EYA1: variants seen among roughly 807,000 people sequenced by gnomAD.
EYA1 encodes the protein EYA transcriptional coactivator and phosphatase 1.
In EYA1, 16 loss-of-function variants were observed where a neutral mutation model predicts 82.0. The ratio of observed to expected loss-of-function variants is 0.20; its 90% CI spans 0.13 to 0.30. The LOEUF (loss-of-function observed/expected upper bound fraction) is 0.30. Among genes scored for constraint, EYA1 ranks in the 10% least tolerant of loss-of-function variants. The pLI is 1.00. For synonymous variants in EYA1, 261 were observed against 264.4 expected (o/e 0.99, Z 0.12); for missense variants, 633 against 730.7 (o/e 0.87, Z 1.54).
chr8:71,334,342 C>T (rs751026392), intron 3 of EYA1, 168 bp from the exon 4 acceptor site: 1 of 695,008 alleles, frequency 1.4e-6, no homozygotes, highest in African/African-American at 1.8e-5. Flanking sequence ...AAAAAATTCA[C>T]ATATTAAGTT....
intron 16 of EYA1, among the ~76,000 whole-genome samples, chr8:71,212,141 A>G (rs1247541210): frequency 6.6e-6 from 1 of 152,198 alleles, no homozygotes; most frequent in East Asian, 1.9e-4. Context: ...GACAGTTTAT[A>G]GTTTTCAAAT....
chr8:71,363,155 G>C (rs954479006), upstream of EYA1, among the ~76,000 whole-genome samples: 1 of 151,428 alleles, frequency 6.6e-6, no homozygotes, highest in African/African-American at 2.4e-5. Flanking sequence ...GAAAAAAAAA[G>C]CGTCCTCATT....
At chr8:71,451,888 G>A (rs1417454182) in intron 2 of EYA1, among the ~76,000 whole-genome samples, 3 of 152,194 alleles carry the variant, frequency 2.0e-5, no homozygotes, top group African/African-American at 7.2e-5. Flanking sequence ...TGAGGTATCA[G>A]GTTCATCTCA....
At chr8:71,332,492 G>A (rs985241743) in intron 4 of EYA1, among the ~76,000 whole-genome samples, 1 of 151,932 alleles carries the variant, frequency 6.6e-6, no homozygotes, top group Non-Finnish European at 1.5e-5. Context: ...ATTCTACTTC[G>A]TAAATGAAAT....
At chr8:71,482,421 T>C (rs749418405) in intron 2 of EYA1, among the ~76,000 whole-genome samples, 4 of 152,162 alleles carry the variant, frequency 2.6e-5, no homozygotes, top group Non-Finnish European at 5.9e-5. Flanking sequence ...GTAACTTGAG[T>C]GCTCACACAT....
chr8:71,503,301 C>T (rs775923047), intron 2 of EYA1, among the ~76,000 whole-genome samples: 5 of 152,028 alleles, frequency 3.3e-5, no homozygotes, highest in Non-Finnish European at 7.4e-5. Context: ...CGAGAAACCC[C>T]GTCTCTACTA....
chr8:71,235,027 T>C (rs1413294983), intron 12 of EYA1, among the ~76,000 whole-genome samples: 7 of 152,120 alleles, frequency 4.6e-5, no homozygotes, highest in Admixed American at 4.6e-4. Context: ...GTCTGATCCA[T>C]TAGCAAATTC....
intron 9 of EYA1, among the ~76,000 whole-genome samples, chr8:71,296,199 G>A (rs1052556026): frequency 3.3e-5 from 5 of 152,096 alleles, no homozygotes; most frequent in Admixed American, 1.3e-4. Context: ...TATTTTTAAC[G>A]TATTAAAATA....
intron 2 of EYA1, among the ~76,000 whole-genome samples, chr8:71,423,656 TC>T (rs1339501502): frequency 2.0e-5 from 3 of 152,246 alleles, no homozygotes; most frequent in African/African-American, 7.2e-5. Flanking sequence ...GAACAAATGT[TC>T]TTTAATTAAT....
intron 9 of EYA1, among the ~76,000 whole-genome samples, chr8:71,285,694 T>C (rs765735780): frequency 2.4e-4 from 37 of 152,338 alleles, no homozygotes; most frequent in Non-Finnish European, 5.0e-4. Context: ...TTTTTGTGCA[T>C]ATCAGGTTTT....
intron 2 of EYA1, among the ~76,000 whole-genome samples, chr8:71,510,263 G>T (rs190958167): frequency 6.6e-6 from 1 of 152,110 alleles, no homozygotes; most frequent in Non-Finnish European, 1.5e-5. Context: ...AGCTCACCAC[G>T]ATTGAAAACA....
At chr8:71,488,303 G>T (rs888251747) in intron 2 of EYA1, among the ~76,000 whole-genome samples, 2 of 151,550 alleles carry the variant, frequency 1.3e-5, no homozygotes, top group Admixed American at 6.6e-5. Context: ...AAGGATAAAT[G>T]ATATAAAGGA....
chr8:71,277,865 A>C (rs1164528244), intron 9 of EYA1, among the ~76,000 whole-genome samples: 3 of 152,230 alleles, frequency 2.0e-5, no homozygotes, highest in Non-Finnish European at 4.4e-5. Flanking sequence ...TAAATGAGAA[A>C]TAGCTATCAT....
intron 2 of EYA1, among the ~76,000 whole-genome samples, chr8:71,471,531 G>C (rs1809211216): frequency 6.6e-6 from 1 of 151,908 alleles, no homozygotes; most frequent in Non-Finnish European, 1.5e-5. Flanking sequence ...TTAAACCTGG[G>C]AAAATAACTG....
chr8:71,263,980 T>C (rs568773272), intron 11 of EYA1, among the ~76,000 whole-genome samples: 7 of 152,240 alleles, frequency 4.6e-5, no homozygotes, highest in Admixed American at 6.5e-5. Flanking sequence ...GCCACATTTA[T>C]TCATTGGTTG....
At chr8:71,292,038 C>T (rs773083908) in intron 9 of EYA1, among the ~76,000 whole-genome samples, 2 of 151,976 alleles carry the variant, frequency 1.3e-5, no homozygotes, top group Non-Finnish European at 2.9e-5. Context: ...TGATTATACA[C>T]ATGAATCATA....
chr8:71,447,082 T>TTATATATATA (rs5892279), intron 2 of EYA1, among the ~76,000 whole-genome samples: 3 of 144,878 alleles, frequency 2.1e-5, no homozygotes, highest in African/African-American at 7.5e-5. Flanking sequence ...TTGATAATCT[T>TTATATATATA]TATATATATA....
At chr8:71,373,417 C>A (rs1828192678) in intron 2 of EYA1, among the ~76,000 whole-genome samples, 1 of 151,828 alleles carries the variant, frequency 6.6e-6, no homozygotes, top group Admixed American at 6.6e-5. Context: ...TGCTTAGAAA[C>A]AAATTTAACT....
At chr8:71,233,689 T>C (rs1318798630) in intron 12 of EYA1, among the ~76,000 whole-genome samples, 1 of 152,202 alleles carries the variant, frequency 6.6e-6, no homozygotes, top group East Asian at 1.9e-4. Flanking sequence ...TCTATGTATA[T>C]TGTGTCTTGA....
Sources: allele counts gnomAD v4.1 joint callset (sites outside exome capture counted in the v4.1 genomes callset), GRCh38; gene constraint gnomAD v4.1.1; transcripts MANE v1.5; gene names NCBI Gene and HGNC (gene_info 2026-07-23, HGNC 2026-07-21).